NWD2: variants seen among roughly 807,000 people sequenced by gnomAD.
The protein encoded by NWD2 is NACHT and WD repeat domain containing 2.
In NWD2, 37 loss-of-function variants were observed where a neutral mutation model predicts 132.7. That is an observed-to-expected ratio of 0.28 (90% CI 0.21 to 0.37). The LOEUF (loss-of-function observed/expected upper bound fraction) is 0.37, where lower values mean the gene tolerates loss of function less well. Ranked by LOEUF, NWD2 falls within the 10% of genes least tolerant of loss-of-function variation. The pLI, the probability that NWD2 is intolerant of heterozygous loss-of-function variation, is 1.00. For missense variants in NWD2, 1,592 were observed against 2,122.4 expected, an observed-to-expected ratio of 0.75 and a Z score of 4.91; for synonymous variants, 705 against 803.0, an observed-to-expected ratio of 0.88 and a Z score of 2.06.
intron 3 of NWD2, among the ~76,000 whole-genome samples, chr4:37,392,064 G>A (rs1024520326): frequency 9.2e-5 from 14 of 152,202 alleles, no homozygotes; most frequent in South Asian, 8.3e-4. Flanking sequence ...TTAGCTGGGC[G>A]TGGTGGAGCA....
rs745676925 is a variant in NWD2, at chr4:37,446,717, C to T, written c.4729C>T (p.Arg1577Cys). 8 of 1,551,118 alleles carry T rather than the reference C, an allele frequency of 5.2e-6. No individual in the cohort carries two copies. In the East Asian group the frequency reaches 1.2e-4, roughly 24 times the overall value. Residue 1577 changes from arginine to cysteine, a missense_variant, in exon 7 of 7, where the codon CGC becomes TGC. Physicochemically the swap from Arg to Cys is radical, Grantham distance 180. Transcript: ENST00000309447. This position sits in a 1 kb window ranked among gnomAD's most constrained non-coding sequence, Gnocchi z 6.7. ...IWRQRLSRDG[R>C]YLVYICFRNG... ...GCGGCAGAGGTTGTCTCGGGATGGTCGCTACCTGGTATACATTTGTTTCCG... is the reference window on the plus strand; with the variant it reads ...GCGGCAGAGGTTGTCTCGGGATGGTTGCTACCTGGTATACATTTGTTTCCG...
In NWD2 at chr4:37,245,107, C is replaced by A. The variant is rs754567548; in HGVS notation, c.40C>A (p.Arg14=). ...CGCGGGCACCAAGCTGCCCTGTCCC[C>A]GAGACTCTGCGCTCCGGCGGGCGGC... ...AGAGTKLPCP[R]DSALRRAAFS... The change falls in exon 1 of 7, where the codon CGA becomes AGA. Residue 14 remains arginine, a synonymous_variant. Coordinates refer to ENST00000309447, the MANE Select transcript of NWD2 (RefSeq NM_001144990.2). The A allele has an allele frequency of 1.3e-6, 2 of 1,547,502 alleles. No individual in the cohort carries two copies. The highest frequency in any genetic ancestry group is 1.4e-5 in the African/African-American group (1 of 73,054).
chr4:37,355,003 G>A (rs754287585), intron 2 of NWD2, among the ~76,000 whole-genome samples: 11 of 152,044 alleles, frequency 7.2e-5, no homozygotes, highest in Non-Finnish European at 1.3e-4. Context: ...CTGAAGCTCA[G>A]TAATTTACAA....
rs76642008 is a variant in NWD2, at chr4:37,294,051, A to T, written c.152-31885A>T. ...AAGAGGTGTTCCACAAATCACAGGA[A>T]GTCCCCACCCCCCTACTCCTTTCTG... is the stretch of plus-strand genomic sequence containing the variant. On this transcript the variant is annotated intron_variant, in intron 1 of 6. Transcript: ENST00000309447. Among the ~76,000 whole-genome samples, 1,168 of 152,268 alleles carry T rather than the reference A, an allele frequency of 7.7e-3. 43 individuals carry two copies. In the East Asian group the frequency reaches 0.11, roughly 15 times the overall value.
intron 2 of NWD2, among the ~76,000 whole-genome samples, chr4:37,354,297 T>C (rs892158270): frequency 6.6e-6 from 1 of 152,162 alleles, no homozygotes; most frequent in African/African-American, 2.4e-5. Context: ...CTGGGAGCTG[T>C]CTCCCAATCA....
rs1450330756 is a variant in NWD2, at chr4:37,245,170, G to T, written c.103G>T (p.Val35Leu). The change falls in exon 1 of 7, where the codon GTG (valine) becomes TTG (leucine). Residue 35 changes from valine to leucine, a missense_variant. By Grantham distance (32) the Val-to-Leu change is conservative (BLOSUM62 1). Coordinates refer to ENST00000309447, the MANE Select transcript of NWD2 (RefSeq NM_001144990.2). ...GNLTALPSHL[V>L]PAGRSVRVFI... The stretch of plus-strand genomic sequence containing the variant: ...CCTCACGGCCCTGCCCTCTCACCTC[G>T]TGCCCGCCGGCCGCAGCGTCCGGGT... 2.6e-6 allele frequency: 4 copies of T among 1,544,946 alleles called. No homozygotes were observed. The South Asian group carries it at 4.8e-5, about 18-fold the overall frequency.
intron 4 of NWD2, among the ~76,000 whole-genome samples, chr4:37,432,364 G>GAAAAAAAAA (rs71185140): frequency 1.4e-5 from 2 of 138,618 alleles, no homozygotes; most frequent in African/African-American, 2.6e-5. Flanking sequence ...GGGTGAAGAA[G>GAAAAAAAAA]AAAAAAAAAA....
At chr4:37,396,760 C>T (rs1577689902) in intron 3 of NWD2, among the ~76,000 whole-genome samples, 1 of 152,150 alleles carries the variant, frequency 6.6e-6, no homozygotes, top group South Asian at 2.1e-4. Flanking sequence ...AGGCTGGGCA[C>T]GGTGGCTCAC....
intron 5 of NWD2, among the ~76,000 whole-genome samples, chr4:37,438,235 T>C (rs1479924286): frequency 2.0e-5 from 3 of 148,692 alleles, no homozygotes; most frequent in East Asian, 4.0e-4. Context: ...CACTCCAGCC[T>C]GGGCGACAGA....
Position 37,361,019 on chromosome 4 carries a change from A to T in NWD2, c.357+4537A>T, listed in dbSNP as rs575162752. 4.6e-5 allele frequency among the ~76,000 whole-genome samples: 7 copies of T among 152,296 alleles called. No homozygotes were observed. The East Asian group carries it at 1.4e-3, about 29-fold the overall frequency. ...GAAATACAAAAGATCCTCAGGGACT[A>T]TACAAAAGATCCTCAGGGACTATTA... On this transcript the variant is annotated intron_variant, in intron 3 of 6. Coordinates refer to ENST00000309447, the MANE Select transcript of NWD2 (RefSeq NM_001144990.2).
At chr4:37,370,105 C>G (rs1488134500) in intron 3 of NWD2, among the ~76,000 whole-genome samples, 1 of 152,174 alleles carries the variant, frequency 6.6e-6, no homozygotes, top group Non-Finnish European at 1.5e-5. Flanking sequence ...CACAACTATT[C>G]TGCAGATCTG....
At chr4:37,312,100 T>A (rs2109281401) in intron 1 of NWD2, among the ~76,000 whole-genome samples, 1 of 151,860 alleles carries the variant, frequency 6.6e-6, no homozygotes, top group Non-Finnish European at 1.5e-5. Context: ...TAGGATTGAC[T>A]TGGCGATGCG....
At chr4:37,354,320 G>T (rs2109299970) in intron 2 of NWD2, among the ~76,000 whole-genome samples, 1 of 152,312 alleles carries the variant, frequency 6.6e-6, no homozygotes, top group Non-Finnish European at 1.5e-5. Context: ...AGGCATGGGG[G>T]GTCAGGGACC....
At chr4:37,424,721 C>A (rs969029128) in intron 3 of NWD2, among the ~76,000 whole-genome samples, 1 of 152,162 alleles carries the variant, frequency 6.6e-6, no homozygotes, top group Non-Finnish European at 1.5e-5. Context: ...AGCTGCCTCA[C>A]GCCCAACAAA....
At chr4:37,280,539 A>G (rs966072851) in intron 1 of NWD2, among the ~76,000 whole-genome samples, 1 of 151,962 alleles carries the variant, frequency 6.6e-6, no homozygotes, top group African/African-American at 2.4e-5. Context: ...GGGAATCAAT[A>G]TTTTTTTTCT....
chr4:37,335,056 C>T (rs1454852565), intron 2 of NWD2, among the ~76,000 whole-genome samples: 4 of 152,060 alleles, frequency 2.6e-5, no homozygotes, highest in African/African-American at 9.7e-5. Context: ...GTTCATCCTC[C>T]ACAATGTTGC....
In NWD2 at chr4:37,251,826, G is replaced by A. The variant is rs1364661633; in HGVS notation, c.151+6608G>A. Among the ~76,000 whole-genome samples the A allele has an allele frequency of 2.6e-5, 4 of 152,236 alleles. No individual in the cohort carries two copies. In the East Asian group the frequency reaches 5.8e-4, roughly 22 times the overall value. ...ACCAAGAGATAGTATCTAGCCAGGG[G>A]GAAGCAGATGCATTCACTCACTCAA... On this transcript the variant is annotated intron_variant, in intron 1 of 6. Transcript: ENST00000309447.
At chr4:37,299,244 T>C (rs145637535) in intron 1 of NWD2, among the ~76,000 whole-genome samples, 29 of 152,278 alleles carry the variant, frequency 1.9e-4, no homozygotes, top group Non-Finnish European at 3.4e-4. Flanking sequence ...CCTTGTAGCA[T>C]GGCATCACCC....
chr4:37,256,488 T>A (rs1318366791), intron 1 of NWD2, among the ~76,000 whole-genome samples: 1 of 152,054 alleles, frequency 6.6e-6, no homozygotes, highest in African/African-American at 2.4e-5. Flanking sequence ...AAGCAAAGAG[T>A]AGCTTCAGAA....
Sources: gnomAD v4.1 joint callset for allele counts (sites outside exome capture counted in the v4.1 genomes callset) on GRCh38, gnomAD v4.1.1 for gene constraint, Gnocchi (gnomAD v3.1) non-coding constraint, MANE v1.5 for transcripts, NCBI Gene and HGNC (gene_info 2026-07-23, HGNC 2026-07-21) for gene names.